The following TTC28 variants were observed in gnomAD, a reference collection of about 807,000 sequenced individuals.
TTC28 encodes the protein tetratricopeptide repeat domain 28.
A neutral mutation model predicts 198.0 loss-of-function variants in TTC28; 61 were observed. The ratio of observed to expected loss-of-function variants is 0.31; its 90% CI spans 0.25 to 0.38. TTC28 has a LOEUF of 0.38. TTC28 is among the 10% of genes least tolerant of loss of function. The probability of loss-of-function intolerance (pLI) is 1.00; values close to 1 mark genes in which losing one functional copy is unlikely to be tolerated. For synonymous variants in TTC28, 1,171 were observed against 1,297.8 expected, an observed-to-expected ratio of 0.90 and a Z score of 2.10; for missense variants, 2,678 against 3,164.0, an observed-to-expected ratio of 0.85 and a Z score of 3.69.
intron 2 of TTC28, among the ~76,000 whole-genome samples, chr22:28,492,723 G>T (rs561780644): frequency 6.6e-6 from 1 of 152,272 alleles, no homozygotes; most frequent in East Asian, 1.9e-4. Flanking sequence ...AGGAGATAGG[G>T]CTAAAACTAG....
At chr22:28,021,005 G>A (rs1285279999) in intron 13 of TTC28, among the ~76,000 whole-genome samples, 1 of 152,180 alleles carries the variant, frequency 6.6e-6, no homozygotes, top group Non-Finnish European at 1.5e-5. Flanking sequence ...TGGCTTCCAA[G>A]GCAGCATTTC....
intron 2 of TTC28, among the ~76,000 whole-genome samples, chr22:28,562,241 G>A (rs1007597435): frequency 4.9e-4 from 75 of 152,242 alleles, no homozygotes; most frequent in Middle Eastern, 6.8e-3. Flanking sequence ...TCAGGCTAAC[G>A]AAAAATGGCT....
At chr22:28,533,997 T>C (rs1024205742) in intron 2 of TTC28, among the ~76,000 whole-genome samples, 36 of 152,194 alleles carry the variant, frequency 2.4e-4, no homozygotes, top group African/African-American at 7.7e-4. Context: ...GACATAGGTA[T>C]GGGCAAGGAC....
At chr22:28,118,610 T>C (rs1485382356) in intron 6 of TTC28, among the ~76,000 whole-genome samples, 1 of 152,192 alleles carries the variant, frequency 6.6e-6, no homozygotes, top group Non-Finnish European at 1.5e-5. Context: ...CAGTCAGCTA[T>C]ATACCACGTA....
intron 5 of TTC28, among the ~76,000 whole-genome samples, chr22:28,176,971 C>T (rs1923219778): frequency 6.6e-6 from 1 of 152,150 alleles, no homozygotes; most frequent in African/African-American, 2.4e-5. Flanking sequence ...AGAAAATCTA[C>T]ATGACCTTTA....
intron 2 of TTC28, among the ~76,000 whole-genome samples, chr22:28,571,011 A>G (rs1569032259): frequency 6.6e-6 from 1 of 152,196 alleles, no homozygotes; most frequent in Admixed American, 6.5e-5. Context: ...TCCTGACTGT[A>G]AGATTTTAGA....
At chr22:28,582,261 T>C (rs1001742534) in intron 2 of TTC28, among the ~76,000 whole-genome samples, 8 of 152,006 alleles carry the variant, frequency 5.3e-5, no homozygotes, top group African/African-American at 1.9e-4. Context: ...GAAGCAAAAA[T>C]ATTTATTTCT....
intron 5 of TTC28, among the ~76,000 whole-genome samples, chr22:28,220,145 T>C (rs778805490): frequency 2.6e-5 from 4 of 152,146 alleles, no homozygotes; most frequent in Non-Finnish European, 5.9e-5. Context: ...GGAATGTTAG[T>C]AGGAGAGAGA....
intron 12 of TTC28, among the ~76,000 whole-genome samples, chr22:28,053,744 A>C (rs947349882): frequency 1.3e-5 from 2 of 152,160 alleles, no homozygotes; most frequent in Non-Finnish European, 2.9e-5. Flanking sequence ...GGACAGCTAC[A>C]TTCCTCTTTT....
intron 1 of TTC28, among the ~76,000 whole-genome samples, chr22:28,676,569 T>C (rs1414051389): frequency 6.6e-6 from 1 of 152,206 alleles, no homozygotes; most frequent in Admixed American, 6.5e-5. Flanking sequence ...AAAAGACATA[T>C]CTGTATAAGC....
At chr22:28,529,717 G>A (rs2049090052) in intron 2 of TTC28, among the ~76,000 whole-genome samples, 1 of 152,176 alleles carries the variant, frequency 6.6e-6, no homozygotes, top group African/African-American at 2.4e-5. Flanking sequence ...TCCAGAGGAA[G>A]GATCAGGCAG....
In TTC28 at chr22:28,280,291, C is replaced by T. The variant is rs981190391; in HGVS notation, c.933+15907G>A. Among the ~76,000 whole-genome samples the T allele has an allele frequency of 3.3e-5, 5 of 151,418 alleles. No individual in the cohort carries two copies. The East Asian group carries it at 9.6e-4, about 29-fold the overall frequency. On this transcript the variant is annotated intron_variant, in intron 5 of 22. Transcript: ENST00000397906. The stretch of plus-strand genomic sequence containing the variant: ...ATACTTTTTGCTTTAATTAGCCATA[C>T]GCATTTTTAAAAAATTAAAAAAGAA...
intron 2 of TTC28, among the ~76,000 whole-genome samples, chr22:28,577,165 G>A (rs1006588246): frequency 1.3e-5 from 2 of 151,984 alleles, no homozygotes; most frequent in Non-Finnish European, 2.9e-5. Flanking sequence ...ATGGTATGCT[G>A]TGTTTCCATT....
chr22:28,452,933 A>C (rs1295720376), intron 2 of TTC28, among the ~76,000 whole-genome samples: 1 of 152,206 alleles, frequency 6.6e-6, no homozygotes. Flanking sequence ...AGTGGCAGAG[A>C]GAACTTGCTC....
intron 20 of TTC28, 38 bp from the exon 21 acceptor site, chr22:27,990,045 C>G: frequency 1.3e-6 from 2 of 1,535,442 alleles, no homozygotes; most frequent in Non-Finnish European, 8.8e-7. Context: ...CCTGTGTCTC[C>G]TTCCCCTCCA....
chr22:28,418,539 G>A (rs2146160503), intron 2 of TTC28, among the ~76,000 whole-genome samples: 1 of 152,280 alleles, frequency 6.6e-6, no homozygotes, highest in African/African-American at 2.4e-5. Flanking sequence ...TGCTCAAAGT[G>A]TGGGTCACAA....
At chr22:28,421,435 A>G (rs1427141597) in intron 2 of TTC28, among the ~76,000 whole-genome samples, 1 of 152,188 alleles carries the variant, frequency 6.6e-6, no homozygotes, top group African/African-American at 2.4e-5. Flanking sequence ...AAATCATTGT[A>G]TCATCAAAAG....
At chr22:28,304,758 A>C (rs1427861872) in intron 3 of TTC28, among the ~76,000 whole-genome samples, 1 of 152,210 alleles carries the variant, frequency 6.6e-6, no homozygotes, top group Non-Finnish European at 1.5e-5. Context: ...GCAGCAGCAG[A>C]AGCACCTCAG....
Position 28,671,559 on chromosome 22 carries a change from C to T in TTC28, c.102+8063G>A, listed in dbSNP as rs527523400. Among the ~76,000 whole-genome samples, 35 of 147,366 alleles carry T rather than the reference C, an allele frequency of 2.4e-4. No individual in the cohort carries two copies. In the South Asian group the frequency reaches 4.7e-3, roughly 20 times the overall value. ...CTGAGGCAGGAGAATGGCGTGAACCCGGTAGGCAGAGCTTGCAATGAGCCG... is the reference window on the plus strand; with the variant it reads ...CTGAGGCAGGAGAATGGCGTGAACCTGGTAGGCAGAGCTTGCAATGAGCCG... On this transcript the variant is annotated intron_variant, in intron 1 of 22. Coordinates refer to ENST00000397906, the MANE Select transcript of TTC28 (RefSeq NM_001145418.2).
Sources: allele counts gnomAD v4.1 joint callset (sites outside exome capture counted in the v4.1 genomes callset), GRCh38; gene constraint gnomAD v4.1.1; transcripts MANE v1.5; gene names NCBI Gene and HGNC (gene_info 2026-07-23, HGNC 2026-07-21).